The following DIP2B variants were observed in gnomAD, a reference collection of about 807,000 sequenced individuals.
The protein encoded by DIP2B is DIP2 acetate--CoA ligase B (putative).
In DIP2B, 76 loss-of-function variants were observed where a neutral mutation model predicts 198.0. The ratio of observed to expected loss-of-function variants is 0.38; its 90% CI spans 0.32 to 0.46. The LOEUF (loss-of-function observed/expected upper bound fraction) is 0.46. Ranked by LOEUF, DIP2B falls within the 20% of genes least tolerant of loss-of-function variation. DIP2B has a pLI of 0.99. For missense variants in DIP2B, 1,559 were observed against 1,978.4 expected (o/e 0.79, Z 4.02); for synonymous variants, 701 against 739.1 (o/e 0.95, Z 0.84).
At chr12:50,684,796 A>G (rs1000351030) in intron 10 of DIP2B, among the ~76,000 whole-genome samples, 7 of 151,360 alleles carry the variant, frequency 4.6e-5, no homozygotes, top group African/African-American at 1.7e-4. Context: ...TCAAAAAAAT[A>G]AAAGAAGAAA....
rs1458030977 is a variant in DIP2B, at chr12:50,717,932, G to A, written c.2852-777G>A. Among the ~76,000 whole-genome samples the A allele has an allele frequency of 4.2e-5, 4 of 95,260 alleles. No individual in the cohort carries two copies. In the East Asian group the frequency reaches 1.3e-3, roughly 30 times the overall value. The allele number at this position is 95,260 out of a possible 152,430, so 62.5% of individuals were successfully genotyped here. A position where few individuals can be genotyped will look rare whatever the true frequency, so the allele number is the denominator to read the frequency against. On this transcript the variant is annotated intron_variant, in intron 23 of 37. Transcript: ENST00000301180. Reference sequence around the variant, plus strand: ...TTTTTTTTTTTTGAGATGTAGTCTCGCTCTGTCGCCATACTGGAGTGCAGT... The same window carrying A: ...TTTTTTTTTTTTGAGATGTAGTCTCACTCTGTCGCCATACTGGAGTGCAGT...
chr12:50,650,256 A>C (rs1215241368), intron 3 of DIP2B, among the ~76,000 whole-genome samples: 2 of 152,196 alleles, frequency 1.3e-5, no homozygotes, highest in South Asian at 2.1e-4. Context: ...CTTTCCTATA[A>C]TCCAGCCTAT....
At chr12:50,660,425 C>A in intron 4 of DIP2B, 106 bp downstream of exon 4, 1 of 1,287,316 alleles carries the variant, frequency 7.8e-7, no homozygotes, top group East Asian at 2.6e-5. Context: ...TTCTCCCCGC[C>A]ATTAGAGGAA....
At chr12:50,510,231 G>C (rs1287933906) in intron 1 of DIP2B, among the ~76,000 whole-genome samples, 1 of 152,132 alleles carries the variant, frequency 6.6e-6, no homozygotes, top group African/African-American at 2.4e-5. Context: ...CTGGTTTTGA[G>C]GGCAGTTCCA....
intron 17 of DIP2B, among the ~76,000 whole-genome samples, chr12:50,697,649 C>T (rs1259468453): frequency 7.1e-6 from 1 of 141,636 alleles, no homozygotes; most frequent in Non-Finnish European, 1.5e-5. Context: ...CCTGCCTCAA[C>T]TTCCTGAGTA....
In DIP2B at chr12:50,668,099, G is replaced by C. The variant is rs542778296; in HGVS notation, c.428-3087G>C. ...TTCTGTCCCCTCCAAGCTTTCTCGC[G>C]TGCAGCCCCCTCTACCTGACGCTGC... On this transcript the variant is annotated intron_variant, in intron 4 of 37. Coordinates refer to ENST00000301180, the MANE Select transcript of DIP2B (RefSeq NM_173602.3). 5.3e-5 allele frequency among the ~76,000 whole-genome samples: 8 copies of C among 152,084 alleles called. No individual in the cohort carries two copies. The East Asian group carries it at 5.8e-4, about 11-fold the overall frequency.
At chr12:50,620,554 C>T (rs1028028081) in intron 1 of DIP2B, among the ~76,000 whole-genome samples, 1 of 152,212 alleles carries the variant, frequency 6.6e-6, no homozygotes, top group African/African-American at 2.4e-5. Context: ...CCTGCCTCCA[C>T]TCCTGCCAAG....
intron 14 of DIP2B, among the ~76,000 whole-genome samples, chr12:50,694,055 C>T (rs1939264670): frequency 6.6e-6 from 1 of 152,136 alleles, no homozygotes; most frequent in African/African-American, 2.4e-5. Context: ...CAGATGTAGG[C>T]AGGACCTCCT....
chr12:50,571,364 G>C (rs954550804), intron 1 of DIP2B, among the ~76,000 whole-genome samples: 1 of 151,908 alleles, frequency 6.6e-6, no homozygotes, highest in Non-Finnish European at 1.5e-5. Context: ...TAGAGATGGG[G>C]TTATGCCATG....
At chr12:50,554,084 C>T (rs1958448957) in intron 1 of DIP2B, among the ~76,000 whole-genome samples, 1 of 152,144 alleles carries the variant, frequency 6.6e-6, no homozygotes, top group Admixed American at 6.6e-5. Flanking sequence ...AGCTCTTCTG[C>T]TTACCTCTTC....
At chr12:50,539,742 A>G (rs1247735311) in intron 1 of DIP2B, among the ~76,000 whole-genome samples, 1 of 151,982 alleles carries the variant, frequency 6.6e-6, no homozygotes, top group Non-Finnish European at 1.5e-5. Context: ...GGCCTCTTCT[A>G]TTACTTTTCT....
intron 1 of DIP2B, among the ~76,000 whole-genome samples, chr12:50,514,736 C>T (rs1958048886): frequency 6.6e-6 from 1 of 152,060 alleles, no homozygotes; most frequent in Non-Finnish European, 1.5e-5. Flanking sequence ...GTGCTCACTG[C>T]AGCCTTGACT....
chr12:50,525,084 A>G (rs947723214), intron 1 of DIP2B, among the ~76,000 whole-genome samples: 5 of 149,946 alleles, frequency 3.3e-5, no homozygotes, highest in Admixed American at 1.3e-4. Flanking sequence ...AAGGCTGGGC[A>G]CGGTGGCTCA....
intron 1 of DIP2B, among the ~76,000 whole-genome samples, chr12:50,508,710 A>AT (rs1555180226): frequency 4.2e-4 from 41 of 98,776 alleles, no homozygotes; most frequent in South Asian, 1.2e-3. Flanking sequence ...AGGAAATGCT[A>AT]CCTTTTTTTT....
At chr12:50,652,933 A>G (rs1938482757) in intron 3 of DIP2B, among the ~76,000 whole-genome samples, 1 of 149,482 alleles carries the variant, frequency 6.7e-6, no homozygotes, top group Non-Finnish European at 1.5e-5. Context: ...GTTAGTGTAT[A>G]GAAACACAAC....
intron 29 of DIP2B, among the ~76,000 whole-genome samples, chr12:50,728,233 G>A (rs1939971733): frequency 6.6e-6 from 1 of 152,060 alleles, no homozygotes; most frequent in Non-Finnish European, 1.5e-5. Flanking sequence ...TAGAAAATCA[G>A]CTGGGCGTGG....
At chr12:50,741,587 A>C in intron 37 of DIP2B, 48 bp downstream of exon 37, 1 of 1,579,266 alleles carries the variant, frequency 6.3e-7, no homozygotes, top group Non-Finnish European at 8.6e-7. Flanking sequence ...CTTTAGTCAT[A>C]ATCTCAACTG....
intron 28 of DIP2B, among the ~76,000 whole-genome samples, chr12:50,725,441 C>T (rs964302153): frequency 2.6e-5 from 4 of 152,002 alleles, no homozygotes; most frequent in South Asian, 4.2e-4. Context: ...AGATAGTATT[C>T]GTATTAAAGA....
intron 3 of DIP2B, among the ~76,000 whole-genome samples, chr12:50,645,001 T>C (rs1368457876): frequency 2.6e-5 from 4 of 152,186 alleles, no homozygotes; most frequent in African/African-American, 4.8e-5. Context: ...CCTTCTAATA[T>C]AAGGAGGACA....
Sources: gnomAD v4.1 joint callset for allele counts (sites outside exome capture counted in the v4.1 genomes callset) on GRCh38, gnomAD v4.1.1 for gene constraint, MANE v1.5 for transcripts, NCBI Gene and HGNC (gene_info 2026-07-23, HGNC 2026-07-21) for gene names.